The following MYO9A variants were observed in gnomAD, a reference collection of about 807,000 sequenced individuals.
MYO9A encodes unconventional myosin-IXa.
In MYO9A, 103 loss-of-function variants were observed where a neutral mutation model predicts 293.3. The ratio of observed to expected loss-of-function variants is 0.35; its 90% CI spans 0.30 to 0.41. The LOEUF is 0.41. MYO9A is among the 10% of genes least tolerant of loss of function. The probability of loss-of-function intolerance (pLI) is 1.00; values close to 1 mark genes in which losing one functional copy is unlikely to be tolerated. For missense variants in MYO9A, 2,685 were observed against 3,033.0 expected, an observed-to-expected ratio of 0.89 and a Z score of 2.69; for synonymous variants, 1,001 against 1,035.7, an observed-to-expected ratio of 0.97 and a Z score of 0.64.
intron 18 of MYO9A, among the ~76,000 whole-genome samples, chr15:71,918,551 G>GA (rs1228080978): frequency 6.6e-6 from 1 of 151,982 alleles, no homozygotes; most frequent in African/African-American, 2.4e-5. Flanking sequence ...GTGCTAATTA[G>GA]AAAGTTTTTG....
chr15:71,827,656 C>T (rs1004614900), intron 41 of MYO9A, among the ~76,000 whole-genome samples: 1 of 151,910 alleles, frequency 6.6e-6, no homozygotes, highest in Non-Finnish European at 1.5e-5. Context: ...GTAGCAAAGA[C>T]AATTATATTT....
chr15:72,075,716 G>A (rs2079329601), intron 1 of MYO9A, among the ~76,000 whole-genome samples: 1 of 151,872 alleles, frequency 6.6e-6, no homozygotes, highest in Non-Finnish European at 1.5e-5. Context: ...CTTGAGTCCA[G>A]GAGTTCAAGA....
At chr15:71,949,417 TTTTG>T (rs1217338373) in intron 15 of MYO9A, among the ~76,000 whole-genome samples, 2 of 151,198 alleles carry the variant, frequency 1.3e-5, no homozygotes, top group Non-Finnish European at 2.9e-5. Context: ...CTGGGTGTTT[TTTTG>T]TTTTTTTTTT....
intron 13 of MYO9A, among the ~76,000 whole-genome samples, chr15:71,965,370 G>A (rs1044193452): frequency 1.3e-5 from 2 of 151,594 alleles, no homozygotes; most frequent in Admixed American, 1.3e-4. Flanking sequence ...GAAAAATATT[G>A]AAGAAAAAAA....
chr15:72,073,415 T>C (rs1486482997), intron 1 of MYO9A, among the ~76,000 whole-genome samples: 1 of 152,220 alleles, frequency 6.6e-6, no homozygotes, highest in Non-Finnish European at 1.5e-5. Context: ...CCATTGTATC[T>C]AGGCATACCC....
At chr15:71,924,862 G>A (rs894477229) in intron 18 of MYO9A, among the ~76,000 whole-genome samples, 1 of 151,662 alleles carries the variant, frequency 6.6e-6, no homozygotes, top group African/African-American at 2.4e-5. Context: ...GGAGATTGCA[G>A]CAAGCCGAGA....
At chr15:71,886,219 G>A (rs2057016182) in intron 27 of MYO9A, among the ~76,000 whole-genome samples, 1 of 147,376 alleles carries the variant, frequency 6.8e-6, no homozygotes, top group African/African-American at 2.5e-5. Flanking sequence ...AAAAAAGAAA[G>A]AGGCTGCTTG....
At chr15:72,052,134 GAGTTGAGAAGATGATGGGAC>G (rs1481218176) in intron 1 of MYO9A, among the ~76,000 whole-genome samples, 2 of 152,116 alleles carry the variant, frequency 1.3e-5, no homozygotes, top group Non-Finnish European at 2.9e-5. Context: ...TCTCTGCCGG[GAGTTGAGAAGATGATGGGAC>G]AACCAGCTGC....
intron 33 of MYO9A, among the ~76,000 whole-genome samples, chr15:71,861,196 T>G (rs2056110212): frequency 6.6e-6 from 1 of 151,228 alleles, no homozygotes; most frequent in African/African-American, 2.4e-5. Flanking sequence ...AACCATGGAA[T>G]AAGTAAATAT....
At chr15:71,917,384 A>G (rs1022055319) in intron 18 of MYO9A, among the ~76,000 whole-genome samples, 2 of 151,974 alleles carry the variant, frequency 1.3e-5, no homozygotes, top group African/African-American at 4.8e-5. Flanking sequence ...AAAATACAAA[A>G]ATTAGGCAGG....
At chr15:71,968,194 C>T (rs565552827) in intron 12 of MYO9A, 69 bp from the exon 13 acceptor site, 1 of 1,306,386 alleles carries the variant, frequency 7.7e-7, no homozygotes, top group Admixed American at 2.7e-5. Flanking sequence ...TAGTACAGCC[C>T]TTTTCAAAGT....
At chr15:71,919,199 G>C in intron 18 of MYO9A, among the ~76,000 whole-genome samples, 1 of 152,140 alleles carries the variant, frequency 6.6e-6, no homozygotes, top group Admixed American at 6.5e-5. Flanking sequence ...TATAATCCGA[G>C]AACGGCTGAG....
chr15:71,834,147 GA>G (rs932453445), intron 39 of MYO9A, among the ~76,000 whole-genome samples: 4 of 152,030 alleles, frequency 2.6e-5, no homozygotes, highest in Non-Finnish European at 1.5e-5. Context: ...TGAAAAAGGG[GA>G]TATCACTACA....
At chr15:72,113,205 G>A (rs2080845340) in intron 1 of MYO9A, among the ~76,000 whole-genome samples, 1 of 152,200 alleles carries the variant, frequency 6.6e-6, no homozygotes, top group Admixed American at 6.5e-5. Context: ...AGAGGACTAT[G>A]ATAGAAGTAA....
At chr15:71,995,377 A>C (rs764477694) in intron 9 of MYO9A, among the ~76,000 whole-genome samples, 12 of 152,198 alleles carry the variant, frequency 7.9e-5, no homozygotes, top group Non-Finnish European at 1.5e-4. Context: ...AGAAACTTCT[A>C]GAATTACTCC....
intron 19 of MYO9A, among the ~76,000 whole-genome samples, chr15:71,910,842 GTTC>G (rs1364029553): frequency 6.6e-6 from 1 of 152,002 alleles, no homozygotes; most frequent in Non-Finnish European, 1.5e-5. Flanking sequence ...CTGATTTTTA[GTTC>G]TTCATATTAT....
chr15:72,085,274 C>T (rs1313600751), intron 1 of MYO9A, among the ~76,000 whole-genome samples: 10 of 152,034 alleles, frequency 6.6e-5, no homozygotes, highest in Non-Finnish European at 5.9e-5. Context: ...AGGCCTGTAG[C>T]CCCCGCTTTT....
intron 12 of MYO9A, among the ~76,000 whole-genome samples, chr15:71,969,434 T>C (rs2075958298): frequency 6.6e-6 from 1 of 152,192 alleles, no homozygotes; most frequent in African/African-American, 2.4e-5. Context: ...TCAAAATAAA[T>C]TTTCCTATAA....
At chr15:71,878,270 G>A in intron 30 of MYO9A, 39 bp from the exon 31 acceptor site, 1 of 1,380,156 alleles carries the variant, frequency 7.2e-7, no homozygotes, top group Non-Finnish European at 9.7e-7. Context: ...GTTTTATAAA[G>A]AAACTCCTTA....
Sources: allele counts gnomAD v4.1 joint callset (sites outside exome capture counted in the v4.1 genomes callset), GRCh38; gene constraint gnomAD v4.1.1; transcripts MANE v1.5; gene names NCBI Gene and HGNC (gene_info 2026-07-23, HGNC 2026-07-21).